Variants in RGS8 observed in about 807,000 individuals in gnomAD.
The protein encoded by RGS8 is regulator of G-protein signaling 8.
Under a neutral mutation model 21.7 loss-of-function variants are expected in RGS8, and 8 were observed. The observed-to-expected ratio is 0.37, with a 90% CI of 0.22 to 0.66. The LOEUF (loss-of-function observed/expected upper bound fraction) is 0.66, where lower values mean the gene tolerates loss of function less well. RGS8 is among the 30% of genes least tolerant of loss of function. The probability of loss-of-function intolerance (pLI) is 0.59; values close to 1 mark genes in which losing one functional copy is unlikely to be tolerated. For synonymous variants in RGS8, 80 were observed against 83.6 expected, an observed-to-expected ratio of 0.96 and a Z score of 0.24; for missense variants, 157 against 217.9, an observed-to-expected ratio of 0.72 and a Z score of 1.76.
At chr1:182,722,363 C>CAAAAAAAAAAAA in the RGS8 span, among the ~76,000 whole-genome samples, 5 of 79,420 alleles carry the variant, frequency 6.3e-5, no homozygotes, top group Admixed American at 1.5e-4. Context: ...AGCAAATTAC[C>CAAAAAAAAAAAA]AAAAAAAAAA....
the RGS8 span, chr1:182,733,879 T>G: frequency 2.7e-5 from 3 of 112,128 alleles, no homozygotes; most frequent in South Asian, 2.7e-4. Flanking sequence ...TACCAAGTTA[T>G]TTATTTATTT....
At chr1:182,743,481 G>A in the RGS8 span, among the ~76,000 whole-genome samples, 582 of 152,238 alleles carry the variant, frequency 3.8e-3, 5 homozygotes, top group African/African-American at 0.013. Context: ...TATATGTCAC[G>A]CAAAGTTAGT....
chr1:182,648,901 G>A (rs1212252628), intron 5 of RGS8, among the ~76,000 whole-genome samples: 1 of 152,130 alleles, frequency 6.6e-6, no homozygotes, highest in African/African-American at 2.4e-5. Context: ...AGGAGTTCGA[G>A]ACCAGCCTGG....
At chr1:182,654,911 G>A (rs141696115) in intron 5 of RGS8, among the ~76,000 whole-genome samples, 2 of 152,124 alleles carry the variant, frequency 1.3e-5, no homozygotes, top group African/African-American at 4.8e-5. Context: ...GGGACATAGA[G>A]GAAGAGGAGA....
At chr1:182,751,558 G>A in the RGS8 span, among the ~76,000 whole-genome samples, 1 of 152,082 alleles carries the variant, frequency 6.6e-6, no homozygotes, top group Non-Finnish European at 1.5e-5. Context: ...CAGAGCTGTG[G>A]CTCAGAGGAG....
the RGS8 span, among the ~76,000 whole-genome samples, chr1:182,696,332 T>C: frequency 6.6e-6 from 1 of 152,216 alleles, no homozygotes; most frequent in Non-Finnish European, 1.5e-5. Context: ...TTCATTTTAT[T>C]TTATTTTTGA....
chr1:182,662,165 A>G (rs965183479), intron 5 of RGS8, among the ~76,000 whole-genome samples: 1 of 152,208 alleles, frequency 6.6e-6, no homozygotes, highest in African/African-American at 2.4e-5. Flanking sequence ...AAAAAATAGC[A>G]AAGTTGCTTT....
the RGS8 span, among the ~76,000 whole-genome samples, chr1:182,697,202 T>C: frequency 6.6e-6 from 1 of 152,362 alleles, no homozygotes; most frequent in African/African-American, 2.4e-5. Context: ...GGCATGGATA[T>C]GGGCAGAGGT....
At chr1:182,663,564 C>T (rs1026478788) in intron 5 of RGS8, among the ~76,000 whole-genome samples, 2 of 152,118 alleles carry the variant, frequency 1.3e-5, no homozygotes, top group East Asian at 3.9e-4. Context: ...GGTCTCACTC[C>T]GTCACCCAGG....
the RGS8 span, among the ~76,000 whole-genome samples, chr1:182,746,960 A>G: frequency 6.8e-6 from 1 of 148,126 alleles, no homozygotes; most frequent in Admixed American, 6.8e-5. Flanking sequence ...CTGGAGTGCA[A>G]TGGCATGAAC....
chr1:182,710,238 A>C, the RGS8 span, among the ~76,000 whole-genome samples: 9 of 152,140 alleles, frequency 5.9e-5, no homozygotes, highest in Non-Finnish European at 4.4e-5. Flanking sequence ...CTCCTTATCA[A>C]ATGAACAAAG....
At chr1:182,642,790 G>C (rs583585), downstream of RGS8, 8,053 of 152,248 alleles carry the variant, frequency 0.053, 683 homozygotes, top group African/African-American at 0.18. Context: ...CCCACCCAAC[G>C]TGGGACCAAA....
the RGS8 span, among the ~76,000 whole-genome samples, chr1:182,745,242 C>T: frequency 6.6e-6 from 1 of 152,088 alleles, no homozygotes; most frequent in Non-Finnish European, 1.5e-5. Flanking sequence ...TGACAGAAGT[C>T]GAACATAAGC....
At chr1:182,669,810 A>C in intron 2 of RGS8, 58 bp from the exon 4 acceptor site, 1 of 1,465,478 alleles carries the variant, frequency 6.8e-7, no homozygotes, top group Non-Finnish European at 9.0e-7. Flanking sequence ...ACTGCACTAC[A>C]TTTCCTCTCA....
chr1:182,721,648 T>G, the RGS8 span, among the ~76,000 whole-genome samples: 3 of 152,310 alleles, frequency 2.0e-5, no homozygotes, highest in Admixed American at 2.0e-4. Context: ...GTCACTTTTA[T>G]GTATATTAAG....
At chr1:182,699,140 T>C in the RGS8 span, among the ~76,000 whole-genome samples, 2 of 152,202 alleles carry the variant, frequency 1.3e-5, no homozygotes, top group Admixed American at 1.3e-4. Flanking sequence ...AAAAGCCGCC[T>C]CTCCAGCTGC....
chr1:182,711,315 GC>G, the RGS8 span, among the ~76,000 whole-genome samples: 2 of 152,176 alleles, frequency 1.3e-5, no homozygotes, highest in African/African-American at 2.4e-5. Flanking sequence ...GCCAGACAGA[GC>G]CCCCTGACCC....
At chr1:182,721,407 C>T in the RGS8 span, among the ~76,000 whole-genome samples, 1,220 of 152,244 alleles carry the variant, frequency 8.0e-3, 15 homozygotes, top group African/African-American at 0.028. Context: ...ATCTCACTCT[C>T]TCAAAATATT....
chr1:182,706,774 G>A, the RGS8 span, among the ~76,000 whole-genome samples: 2 of 152,236 alleles, frequency 1.3e-5, no homozygotes, highest in Admixed American at 1.3e-4. Flanking sequence ...CCATCCATGG[G>A]CTAACTCTTA....
Sources: gnomAD v4.1 joint callset for allele counts (sites outside exome capture counted in the v4.1 genomes callset) on GRCh38, gnomAD v4.1.1 for gene constraint, MANE v1.5 for transcripts, NCBI Gene and HGNC (gene_info 2026-07-23, HGNC 2026-07-21) for gene names.